Variants in ABHD17C observed in about 807,000 individuals in gnomAD.
ABHD17C encodes abhydrolase domain containing 17C, depalmitoylase.
A neutral mutation model predicts 27.9 loss-of-function variants in ABHD17C; 11 were observed. That is an observed-to-expected ratio of 0.39 (90% CI 0.25 to 0.65). The LOEUF is 0.65. Ranked by LOEUF, ABHD17C falls within the 30% of genes least tolerant of loss-of-function variation. The pLI is 0.45. For synonymous variants in ABHD17C, 233 were observed against 209.1 expected, an observed-to-expected ratio of 1.11 and a Z score of -0.98; for missense variants, 280 against 470.2, an observed-to-expected ratio of 0.60 and a Z score of 3.74.
chr15:80,704,762 TGAGCTCCCTGTGTGACACA>T lies in ABHD17C; in HGVS notation c.590+8750_590+8768del, dbSNP rs1346944818. On this transcript the variant is annotated intron_variant, in intron 1 of 2. Transcript: ENST00000258884. ...GCATGGAATCGTCACTGCTCTCCAC[TGAGCTCCCTGTGTGACACA>T]GAGCTCAGTCTGACAAGAGAGCATC... 4.6e-5 allele frequency: 7 copies of T among 152,260 alleles called. No homozygotes were observed. The East Asian group carries it at 1.4e-3, about 29-fold the overall frequency. 9.4% of individuals were successfully genotyped at this position (152,260 alleles called of 1,614,324 possible).
intron 1 of ABHD17C, among the ~76,000 whole-genome samples, chr15:80,697,368 C>T (rs1348865133): frequency 6.6e-6 from 1 of 152,194 alleles, no homozygotes; most frequent in Non-Finnish European, 1.5e-5. Context: ...AAGTATGTGT[C>T]ACACACAGTC....
chr15:80,724,375 A>G (rs890763461), intron 1 of ABHD17C, among the ~76,000 whole-genome samples: 1 of 152,108 alleles, frequency 6.6e-6, no homozygotes, highest in African/African-American at 2.4e-5. Flanking sequence ...TTTGTGATGA[A>G]ATAGGCTTAA....
chr15:80,752,072 G>C (rs949680810), intron 2 of ABHD17C, among the ~76,000 whole-genome samples: 1 of 152,114 alleles, frequency 6.6e-6, no homozygotes, highest in Admixed American at 6.5e-5. Flanking sequence ...TTACACTTGG[G>C]ATCGGATGAT....
At chr15:80,721,692 A>G (rs1894899567) in intron 1 of ABHD17C, among the ~76,000 whole-genome samples, 1 of 152,188 alleles carries the variant, frequency 6.6e-6, no homozygotes, top group Non-Finnish European at 1.5e-5. Flanking sequence ...GAGGAAGGAA[A>G]GATTGGGTAA....
intron 1 of ABHD17C, among the ~76,000 whole-genome samples, chr15:80,705,359 G>GTGTGTGTGTGTGTGTGTGTGTGTGTGTA (rs1894632644): frequency 6.6e-6 from 1 of 151,294 alleles, no homozygotes; most frequent in African/African-American, 2.4e-5. Flanking sequence ...GTGTGTGTGT[G>GTGTGTGTGTGTGTGTGTGTGTGTGTGTA]TGTGTGTGGT....
intron 1 of ABHD17C, among the ~76,000 whole-genome samples, chr15:80,735,062 C>A (rs1047963547): frequency 3.9e-5 from 6 of 152,270 alleles, no homozygotes; most frequent in African/African-American, 1.4e-4. Flanking sequence ...GAACAGATAT[C>A]CCCCAGGCTG....
In ABHD17C at chr15:80,754,392, T is replaced by G. The variant is rs371653814; in HGVS notation, c.*22T>G. ...CTGAAGACAACAACTTGATCTTACC[T>G]CATTTACTGTGAACAGAAGAGTCCT... On this transcript the variant is annotated 3_prime_UTR_variant, in exon 3 of 3. Transcript: ENST00000258884. 85 of 1,587,058 alleles carry G rather than the reference T, an allele frequency of 5.4e-5. No individual in the cohort carries two copies. The highest frequency in any genetic ancestry group is 7.1e-5 in the Non-Finnish European group (82 of 1,161,346).
rs546271842 is a variant in ABHD17C, at chr15:80,730,182, G to C, written c.591-19331G>C. Among the ~76,000 whole-genome samples the C allele has an allele frequency of 3.9e-5, 6 of 151,994 alleles. No individual in the cohort carries two copies. The East Asian group carries it at 1.2e-3, about 29-fold the overall frequency. On this transcript the variant is annotated intron_variant, in intron 1 of 2. Transcript: ENST00000258884. ...TAGACATAATGGTGGTTATAGATAA[G>C]CCTCACCAGAGAAATGGAATAAATT...
intron 1 of ABHD17C, among the ~76,000 whole-genome samples, chr15:80,707,877 A>G (rs768645922): frequency 6.6e-6 from 1 of 152,188 alleles, no homozygotes; most frequent in Admixed American, 6.5e-5. Context: ...AGTTTTTCCT[A>G]CTAAAAATTC....
At chr15:80,713,480 C>T (rs1348859336) in intron 1 of ABHD17C, among the ~76,000 whole-genome samples, 5 of 147,402 alleles carry the variant, frequency 3.4e-5, no homozygotes, top group Non-Finnish European at 7.4e-5. Context: ...AAACAGAGCC[C>T]TGGTCTGGAG....
chr15:80,702,420 G>T (rs2141489659), intron 1 of ABHD17C, among the ~76,000 whole-genome samples: 1 of 152,258 alleles, frequency 6.6e-6, no homozygotes, highest in South Asian at 2.1e-4. Flanking sequence ...AACATAACAA[G>T]AACCTGTCTC....
intron 1 of ABHD17C, among the ~76,000 whole-genome samples, chr15:80,749,048 C>T (rs1168078753): frequency 6.6e-6 from 1 of 152,020 alleles, no homozygotes; most frequent in Non-Finnish European, 1.5e-5. Flanking sequence ...CCCAGTAAAA[C>T]TTTTTCTGAT....
intron 1 of ABHD17C, among the ~76,000 whole-genome samples, chr15:80,715,106 A>G (rs1894785723): frequency 6.6e-6 from 1 of 152,150 alleles, no homozygotes; most frequent in Non-Finnish European, 1.5e-5. Context: ...TTAAAAGATT[A>G]CTTTGTATAC....
intron 1 of ABHD17C, among the ~76,000 whole-genome samples, chr15:80,748,837 G>A (rs1056421011): frequency 3.8e-4 from 58 of 151,394 alleles, no homozygotes; most frequent in African/African-American, 1.4e-3. Flanking sequence ...CTGCTGACAT[G>A]CGGTTGGCTG....
chr15:80,732,220 C>T (rs1330585496), intron 1 of ABHD17C, among the ~76,000 whole-genome samples: 1 of 152,188 alleles, frequency 6.6e-6, no homozygotes, highest in Non-Finnish European at 1.5e-5. Flanking sequence ...GGACCACTTG[C>T]CCCAGACTTT....
At position 80,695,442 on chromosome 15, in the gene ABHD17C, G is replaced by A. The variant is rs1399987506; in HGVS notation, c.13G>A (p.Gly5Ser). 4 of 1,350,946 alleles carry A rather than the reference G, an allele frequency of 3.0e-6. No homozygotes were observed. The African/African-American group carries it at 6.2e-5, about 21-fold the overall frequency. 83.7% of individuals were successfully genotyped at this position (1,350,946 alleles called of 1,614,324 possible). Reference protein sequence around the residue: MPEPGPRMNGFSLGE... With the variant: MPEPSPRMNGFSLGE... ...CCAGGCCGTCCCGATGCCCGAGCCA[G>A]GCCCCAGGATGAACGGCTTCTCGCT... Residue 5 changes from glycine to serine, a missense_variant, in exon 1 of 3, where the codon GGC becomes AGC. By Grantham distance (56) the Gly-to-Ser change is moderately conservative (BLOSUM62 0). Coordinates refer to ENST00000258884, the MANE Select transcript of ABHD17C (RefSeq NM_021214.2). This position sits in a 1 kb window ranked among gnomAD's most constrained non-coding sequence, Gnocchi z 4.3.
intron 1 of ABHD17C, among the ~76,000 whole-genome samples, chr15:80,704,294 C>G (rs901419391): frequency 6.6e-6 from 1 of 152,144 alleles, no homozygotes; most frequent in African/African-American, 2.4e-5. Flanking sequence ...TGTCCACATG[C>G]CTGTCCCATT....
intron 1 of ABHD17C, among the ~76,000 whole-genome samples, chr15:80,701,454 G>A (rs868718887): frequency 3.3e-5 from 5 of 152,050 alleles, no homozygotes; most frequent in Middle Eastern, 3.4e-3. Context: ...TGAGACGGGC[G>A]GATCATTTGA....
At chr15:80,710,694 C>G (rs947206275) in intron 1 of ABHD17C, among the ~76,000 whole-genome samples, 2 of 152,142 alleles carry the variant, frequency 1.3e-5, no homozygotes, top group Admixed American at 1.3e-4. Flanking sequence ...AACAGGAAAA[C>G]TAGAAACTGA....
Sources: allele counts gnomAD v4.1 joint callset (sites outside exome capture counted in the v4.1 genomes callset), GRCh38; gene constraint gnomAD v4.1.1; non-coding constraint Gnocchi (gnomAD v3.1); transcripts MANE v1.5; gene names NCBI Gene and HGNC (gene_info 2026-07-23, HGNC 2026-07-21).